CLASP2: variants seen among roughly 807,000 people sequenced by gnomAD.
CLASP2 encodes CLIP-associating protein 2.
CLASP2 carries 47 observed loss-of-function variants against 194.4 expected under a neutral mutation model. That is an observed-to-expected ratio of 0.24 (90% confidence interval 0.19 to 0.31). The LOEUF (loss-of-function observed/expected upper bound fraction) is 0.31, where lower values mean the gene tolerates loss of function less well. Ranked by LOEUF, CLASP2 falls within the 10% of genes least tolerant of loss-of-function variation. The pLI is 1.00. For missense variants in CLASP2, 1,445 were observed against 1,823.6 expected, an observed-to-expected ratio of 0.79 and a Z score of 3.78; for synonymous variants, 619 against 633.5, an observed-to-expected ratio of 0.98 and a Z score of 0.34.
intron 18 of CLASP2, among the ~76,000 whole-genome samples, chr3:33,599,177 T>G (rs1560233500): frequency 6.6e-6 from 1 of 152,160 alleles, no homozygotes; most frequent in Admixed American, 6.5e-5. Context: ...CAGGCTGAAG[T>G]GCAGTGGTGT....
chr3:33,660,571 T>A (rs1575380275), intron 7 of CLASP2, among the ~76,000 whole-genome samples: 1 of 152,212 alleles, frequency 6.6e-6, no homozygotes, highest in Non-Finnish European at 1.5e-5. Context: ...CTGTAAGATG[T>A]ATGATGTGTC....
intron 23 of CLASP2, among the ~76,000 whole-genome samples, chr3:33,578,101 ACT>A (rs1475370223): frequency 6.6e-5 from 10 of 152,128 alleles, no homozygotes; most frequent in Admixed American, 6.6e-4. Flanking sequence ...CAGTATCTAT[ACT>A]CTTTTAATTC....
intron 34 of CLASP2, among the ~76,000 whole-genome samples, chr3:33,522,887 G>A (rs928138633): frequency 2.6e-5 from 4 of 152,252 alleles, no homozygotes; most frequent in South Asian, 2.1e-4. Context: ...TGGCTAACAC[G>A]GTGAAACCCC....
chr3:33,593,232 C>G (rs887229758), intron 20 of CLASP2, among the ~76,000 whole-genome samples: 1 of 152,172 alleles, frequency 6.6e-6, no homozygotes, highest in Admixed American at 6.5e-5. Flanking sequence ...AGCAGCATGT[C>G]TGTCAAGTGC....
chr3:33,515,910 A>AT, intron 36 of CLASP2, 113 bp downstream of exon 36: 1 of 1,069,306 alleles, frequency 9.4e-7, no homozygotes, highest in Non-Finnish European at 1.3e-6. Flanking sequence ...TATTACCCTG[A>AT]ATGTCAAGGC....
chr3:33,584,701 A>C (rs1411890581), intron 22 of CLASP2, 49 bp downstream of exon 22: 2 of 1,463,540 alleles, frequency 1.4e-6, no homozygotes. Flanking sequence ...CCTGAAAAAA[A>C]AAAAAAAAGG....
chr3:33,515,847 T>C (rs2051167127), intron 36 of CLASP2, among the ~76,000 whole-genome samples, 176 bp downstream of exon 36: 1 of 152,198 alleles, frequency 6.6e-6, no homozygotes, highest in African/African-American at 2.4e-5. Context: ...AAGGTCATGA[T>C]ATCACTGTTT....
chr3:33,558,467 C>G (rs1290989577), intron 29 of CLASP2: 1 of 151,626 alleles, frequency 6.6e-6, no homozygotes, highest in Non-Finnish European at 1.5e-5. Context: ...AGCACATATG[C>G]TTGTTATTTC....
intron 3 of CLASP2, among the ~76,000 whole-genome samples, chr3:33,689,122 T>C (rs1056897441): frequency 2.6e-5 from 4 of 151,886 alleles, no homozygotes; most frequent in African/African-American, 9.7e-5. Flanking sequence ...TTCAGTTCTA[T>C]TAATATATTT....
chr3:33,590,576 A>G (rs1159284738), intron 21 of CLASP2, among the ~76,000 whole-genome samples: 1 of 152,206 alleles, frequency 6.6e-6, no homozygotes, highest in Non-Finnish European at 1.5e-5. Flanking sequence ...GATATGATCT[A>G]CTGATTTAGT....
rs575470254 is a variant in CLASP2, at chr3:33,700,232, G to A, written c.196-3299C>T. On this transcript the variant is annotated intron_variant, in intron 1 of 38. Coordinates refer to ENST00000682230, the MANE Select transcript of CLASP2 (RefSeq NM_001365631.1). ...ACCTGAGGTCAGGAGTTCGAGACCA[G>A]CCTGGCCAGCATGGCAAAACCCCAT... 4.3e-4 allele frequency among the ~76,000 whole-genome samples: 66 copies of A among 152,124 alleles called. 1 individual carries two copies. Among genetic ancestry groups the A allele is most frequent in the East Asian group, 1.9e-4 (1 of 5,160 alleles).
intron 1 of CLASP2, among the ~76,000 whole-genome samples, chr3:33,708,284 CTT>C (rs751468783): frequency 2.1e-5 from 3 of 140,648 alleles, no homozygotes; most frequent in African/African-American, 2.6e-5. Flanking sequence ...ATAAATTTGA[CTT>C]TTTTTTTTTT....
chr3:33,608,560 T>C lies in CLASP2; in HGVS notation c.1448+7A>G. 1 of 1,606,946 alleles carries C rather than the reference T, an allele frequency of 6.2e-7. No homozygotes were observed. On this transcript the variant is annotated splice_region_variant and intron_variant, in intron 14 of 38. Coordinates refer to ENST00000682230, the MANE Select transcript of CLASP2 (RefSeq NM_001365631.1). ...GAAAGTGGGAGGAAGGAAGAGGGAA[T>C]GCATACCTTTCCAATGAATGAGTCT...
chr3:33,546,357 C>T (rs1026037516), intron 30 of CLASP2, among the ~76,000 whole-genome samples: 3 of 152,140 alleles, frequency 2.0e-5, no homozygotes, highest in Non-Finnish European at 4.4e-5. Flanking sequence ...GTACTAACAC[C>T]ACATGACTTA....
At chr3:33,636,031 C>T (rs941649540) in intron 8 of CLASP2, among the ~76,000 whole-genome samples, 2 of 152,030 alleles carry the variant, frequency 1.3e-5, no homozygotes, top group Non-Finnish European at 2.9e-5. Context: ...AGTTGTATAA[C>T]GTAGACACCA....
At chr3:33,664,992 T>C (rs995396725) in intron 6 of CLASP2, among the ~76,000 whole-genome samples, 5 of 151,688 alleles carry the variant, frequency 3.3e-5, no homozygotes, top group African/African-American at 4.8e-5. Flanking sequence ...TCCCAGCTAC[T>C]AGGGAGGCTG....
At chr3:33,642,098 A>G (rs1367757761) in intron 8 of CLASP2, among the ~76,000 whole-genome samples, 2 of 152,000 alleles carry the variant, frequency 1.3e-5, no homozygotes, top group Non-Finnish European at 2.9e-5. Context: ...AACATAAAAA[A>G]GAATTTGTTT....
intron 28 of CLASP2, among the ~76,000 whole-genome samples, chr3:33,559,810 C>T (rs1339286453): frequency 6.6e-6 from 1 of 152,062 alleles, no homozygotes; most frequent in African/African-American, 2.4e-5. Context: ...AGGAGAATCG[C>T]TTGAACCCAG....
At chr3:33,717,697 C>T in intron 1 of CLASP2, 111 bp downstream of exon 1, 1 of 1,175,226 alleles carries the variant, frequency 8.5e-7, no homozygotes, top group South Asian at 1.4e-5. Context: ...AGTGTGTTTC[C>T]CCTCTTAAGC....
Sources: gnomAD v4.1 joint callset for allele counts (sites outside exome capture counted in the v4.1 genomes callset) on GRCh38, gnomAD v4.1.1 for gene constraint, MANE v1.5 for transcripts, NCBI Gene and HGNC (gene_info 2026-07-23, HGNC 2026-07-21) for gene names.